The following MYBPC1 variants were observed in gnomAD, a reference collection of about 807,000 sequenced individuals.
MYBPC1 encodes the protein myosin binding protein C1, also known as myosin-binding protein C, slow-type.
In MYBPC1, 52 loss-of-function variants were observed where a neutral mutation model predicts 147.1. The ratio of observed to expected loss-of-function variants is 0.35; its 90% CI spans 0.28 to 0.45. The LOEUF (loss-of-function observed/expected upper bound fraction) is 0.45, where lower values mean the gene tolerates loss of function less well. Among genes scored for constraint, MYBPC1 ranks in the 20% least tolerant of loss-of-function variants. MYBPC1 has a pLI of 1.00. For synonymous variants in MYBPC1, 477 were observed against 475.9 expected, an observed-to-expected ratio of 1.00 and a Z score of -0.03; for missense variants, 1,228 against 1,440.3, an observed-to-expected ratio of 0.85 and a Z score of 2.39.
chr12:101,649,928 A>G (rs1894058216), intron 15 of MYBPC1, among the ~76,000 whole-genome samples: 1 of 152,220 alleles, frequency 6.6e-6, no homozygotes, highest in South Asian at 2.1e-4. Context: ...CAATGGCAGA[A>G]TCTCTCCCAA....
At chr12:101,652,805 AT>A in intron 17 of MYBPC1, 21 bp downstream of exon 17, 1 of 1,572,934 alleles carries the variant, frequency 6.4e-7, no homozygotes, top group Non-Finnish European at 8.8e-7. Flanking sequence ...AAAATAATTC[AT>A]TGCATAGTTG....
intron 20 of MYBPC1, among the ~76,000 whole-genome samples, 155 bp downstream of exon 20, chr12:101,661,417 C>T (rs1896529467): frequency 6.6e-6 from 1 of 152,134 alleles, no homozygotes; most frequent in South Asian, 2.1e-4. Flanking sequence ...TGTTGAGATG[C>T]TCTGTAATTA....
intron 3 of MYBPC1, among the ~76,000 whole-genome samples, chr12:101,625,639 G>T (rs538289923): frequency 6.6e-6 from 1 of 152,132 alleles, no homozygotes; most frequent in East Asian, 1.9e-4. Context: ...AAACAATACC[G>T]ACGTTCTTTT....
At chr12:101,687,525 C>T (rs1461520558), downstream of MYBPC1, among the ~76,000 whole-genome samples, 5 of 152,140 alleles carry the variant, frequency 3.3e-5, no homozygotes, top group East Asian at 7.7e-4. Flanking sequence ...AATAAACATA[C>T]GTGGTAAACT....
At chr12:101,617,136 C>T (rs1002112245) in intron 2 of MYBPC1, 66 bp from the exon 3 acceptor site, 37 of 1,496,200 alleles carry the variant, frequency 2.5e-5, no homozygotes, top group Middle Eastern at 1.7e-4. Flanking sequence ...CTCTCCACCC[C>T]GTTGCTCATC....
intron 29 of MYBPC1, 54 bp from the exon 30 acceptor site, chr12:101,682,550 A>T: frequency 6.6e-7 from 1 of 1,524,474 alleles, no homozygotes; most frequent in Non-Finnish European, 9.1e-7. Context: ...GAAAAAAGGT[A>T]AGAATGTCAA....
chr12:101,600,239 T>A (rs1237646441), intron 1 of MYBPC1: 1 of 152,122 alleles, frequency 6.6e-6, no homozygotes, highest in East Asian at 1.9e-4. Context: ...CATGAAGAAC[T>A]TACAATCCTT....
intron 28 of MYBPC1, 146 bp downstream of exon 28, chr12:101,678,384 A>C (rs1280489720): frequency 1.7e-6 from 2 of 1,188,648 alleles, no homozygotes; most frequent in Non-Finnish European, 2.5e-6. Flanking sequence ...GTAGATTATT[A>C]GGCACACTAT....
intron 22 of MYBPC1, among the ~76,000 whole-genome samples, chr12:101,663,948 T>A (rs1258163418): frequency 2.0e-5 from 3 of 152,200 alleles, no homozygotes; most frequent in Non-Finnish European, 2.9e-5. Flanking sequence ...AAGTTAACTA[T>A]CAAAAGAGTG....
At position 101,682,680 on chromosome 12, in the gene MYBPC1, C is replaced by G; in HGVS notation, c.3492+18C>G. On this transcript the variant is annotated intron_variant, in intron 30 of 31. Transcript: ENST00000361466. The stretch of plus-strand genomic sequence containing the variant: ...AGCAACAGGTTTAAAAAGTTTATAT[C>G]CCACTGGATATTCTACTTTCCGTTC... 1 of 1,599,922 alleles carries G rather than the reference C, an allele frequency of 6.3e-7. No homozygotes were observed. Among genetic ancestry groups the G allele is most frequent in the Non-Finnish European group, 8.6e-7 (1 of 1,167,442 alleles).
chr12:101,687,073 ATATATATATTTTTAT>A (rs1951359123), downstream of MYBPC1, among the ~76,000 whole-genome samples: 1 of 151,620 alleles, frequency 6.6e-6, no homozygotes, highest in Admixed American at 6.6e-5. Context: ...GTTTTTATAT[ATATATATATTTTTAT>A]TATACTCTAA....
chr12:101,605,308 A>C (rs1881720384), intron 1 of MYBPC1, among the ~76,000 whole-genome samples: 2 of 152,202 alleles, frequency 1.3e-5, no homozygotes, highest in African/African-American at 4.8e-5. Flanking sequence ...CATTTTATCA[A>C]AGCTGCAGAT....
chr12:101,613,078 A>T (rs1012142474), intron 1 of MYBPC1, among the ~76,000 whole-genome samples: 1 of 152,156 alleles, frequency 6.6e-6, no homozygotes, highest in Non-Finnish European at 1.5e-5. Flanking sequence ...ATAGTAATAA[A>T]CTTATTTATG....
At position 101,680,503 on chromosome 12, in the gene MYBPC1, A is replaced by G. The variant is rs753121296; in HGVS notation, c.3407A>G (p.Glu1136Gly). The change falls in exon 29 of 32, where the codon GAG becomes GGG. Residue 1136 changes from glutamate to glycine, a missense_variant. Glu to Gly is a moderately conservative substitution (Grantham distance 98). Coordinates refer to ENST00000361466, the MANE Select transcript of MYBPC1 (RefSeq NM_002465.4). ...CKAVNDLGTV[E>G]IECKLEVKVI... ...GCAGTCAATGACCTTGGGACAGTGG[A>G]GATTGAATGCAAACTGGAGGTGAAA... The G allele has an allele frequency of 1.9e-6, 3 of 1,614,134 alleles. No homozygotes were observed. The South Asian group carries it at 3.3e-5, about 18-fold the overall frequency.
chr12:101,687,023 C>T (rs185521311), downstream of MYBPC1, among the ~76,000 whole-genome samples: 285 of 152,022 alleles, frequency 1.9e-3, 2 homozygotes, highest in Middle Eastern at 0.014. Context: ...TGTGTAAACA[C>T]CAATTTTATT....
At chr12:101,617,298 G>A in intron 3 of MYBPC1, 55 bp downstream of exon 3, 2 of 1,567,772 alleles carry the variant, frequency 1.3e-6, no homozygotes, top group African/African-American at 2.7e-5. Flanking sequence ...GAAGCAGAAA[G>A]AAGTCAGTAA....
chr12:101,667,624 G>A, intron 22 of MYBPC1, 108 bp from the exon 23 acceptor site: 1 of 1,260,936 alleles, frequency 7.9e-7, no homozygotes, highest in Admixed American at 1.9e-5. Context: ...TCTAAATGAT[G>A]TATTATTATG....
In MYBPC1 at chr12:101,602,714, C is replaced by T. The variant is rs1055619359; in HGVS notation, c.25+7619C>T. On this transcript the variant is annotated intron_variant, in intron 1 of 31. Transcript: ENST00000361466. Reference sequence around the variant, plus strand: ...TCACTAGTGTAATATTTATAATACACGCCAAGAAAGCTGCTATGATAGTCA... The same window carrying T: ...TCACTAGTGTAATATTTATAATACATGCCAAGAAAGCTGCTATGATAGTCA... Among the ~76,000 whole-genome samples the T allele has an allele frequency of 9.2e-5, 14 of 152,254 alleles. 1 individual carries two copies. The highest frequency in any genetic ancestry group is 2.1e-4 in the South Asian group (1 of 4,830).
chr12:101,626,364 T>C (rs1473977645), intron 3 of MYBPC1, among the ~76,000 whole-genome samples: 1 of 152,230 alleles, frequency 6.6e-6, no homozygotes, highest in Non-Finnish European at 1.5e-5. Flanking sequence ...ATAAAGTTTA[T>C]ATTAACTTAT....
Sources: allele counts gnomAD v4.1 joint callset (sites outside exome capture counted in the v4.1 genomes callset), GRCh38; gene constraint gnomAD v4.1.1; transcripts MANE v1.5; gene names NCBI Gene and HGNC (gene_info 2026-07-23, HGNC 2026-07-21).